Variants in ZBTB20 observed in about 807,000 individuals in gnomAD.
ZBTB20 encodes the protein zinc finger and BTB domain-containing protein 20.
Under a neutral mutation model 56.9 loss-of-function variants are expected in ZBTB20, and 9 were observed. The ratio of observed to expected loss-of-function variants is 0.16; its 90% confidence interval spans 0.10 to 0.28. The LOEUF (loss-of-function observed/expected upper bound fraction) is 0.28, where lower values mean the gene tolerates loss of function less well. Among genes scored for constraint, ZBTB20 ranks in the 10% least tolerant of loss-of-function variants. The pLI is 1.00. For synonymous variants in ZBTB20, 417 were observed against 420.7 expected (o/e 0.99, Z 0.11); for missense variants, 655 against 1,003.0 (o/e 0.65, Z 4.69).
At chr3:115,118,507 C>G (rs1460257291) in intron 1 of ZBTB20, among the ~76,000 whole-genome samples, 1 of 151,960 alleles carries the variant, frequency 6.6e-6, no homozygotes, top group Admixed American at 6.6e-5. Context: ...CTAGGTCAAC[C>G]AGCGCACTTA....
chr3:114,700,217 C>G (rs1399266038), intron 5 of ZBTB20, among the ~76,000 whole-genome samples: 1 of 152,044 alleles, frequency 6.6e-6, no homozygotes, highest in Non-Finnish European at 1.5e-5. Flanking sequence ...TCTTCCTTCT[C>G]TCTCTCTTTT....
At chr3:114,737,797 T>C (rs2066287264) in intron 5 of ZBTB20, among the ~76,000 whole-genome samples, 1 of 152,152 alleles carries the variant, frequency 6.6e-6, no homozygotes, top group Non-Finnish European at 1.5e-5. Flanking sequence ...CATCTTCCCT[T>C]TTTGAGGTGA....
At chr3:114,600,311 A>G (rs2056662592) in intron 6 of ZBTB20, among the ~76,000 whole-genome samples, 2 of 152,148 alleles carry the variant, frequency 1.3e-5, no homozygotes, top group Non-Finnish European at 2.9e-5. Flanking sequence ...CTACAGATTT[A>G]CTGGGAGCAC....
chr3:114,791,058 A>G (rs1201838817), intron 5 of ZBTB20, among the ~76,000 whole-genome samples: 3 of 152,120 alleles, frequency 2.0e-5, no homozygotes, highest in Admixed American at 2.0e-4. Flanking sequence ...TTTATAAACT[A>G]GCCTTATTCC....
At position 114,333,172 on chromosome 3, in the gene ZBTB20, T is replaced by C. The variant is rs1242450528; in HGVS notation, c.*5833A>G. 2 of 152,246 alleles carry C rather than the reference T, an allele frequency of 1.3e-5. No individual in the cohort carries two copies. Among genetic ancestry groups the C allele is most frequent in the Non-Finnish European group, 2.9e-5 (2 of 68,036 alleles). The allele number at this position is 152,246 out of a possible 1,614,324, so 9.4% of individuals were successfully genotyped here. A position where few individuals can be genotyped will look rare whatever the true frequency, so the allele number is the denominator to read the frequency against. On this transcript the variant is annotated 3_prime_UTR_variant, in exon 12 of 12. Coordinates refer to ENST00000675478, the MANE Select transcript of ZBTB20 (RefSeq NM_001348800.3). ...TGCTAGAAATGATGCTTTGGATTAGTAGTTTCCACATTCTGAATTTATAGG... is the reference window on the plus strand; with the variant it reads ...TGCTAGAAATGATGCTTTGGATTAGCAGTTTCCACATTCTGAATTTATAGG...
chr3:114,431,834 T>C (rs1259853586), intron 7 of ZBTB20, among the ~76,000 whole-genome samples: 1 of 152,182 alleles, frequency 6.6e-6, no homozygotes, highest in Non-Finnish European at 1.5e-5. Context: ...TGCTGGGATT[T>C]CAAAGATTCA....
chr3:115,034,335 C>T (rs528969271), intron 2 of ZBTB20, among the ~76,000 whole-genome samples: 4 of 151,434 alleles, frequency 2.6e-5, no homozygotes, highest in Middle Eastern at 3.4e-3. Context: ...AAAACATATT[C>T]CACAATTTCC....
intron 6 of ZBTB20, among the ~76,000 whole-genome samples, chr3:114,547,071 C>T (rs1411055100): frequency 2.0e-5 from 3 of 152,172 alleles, no homozygotes; most frequent in Non-Finnish European, 4.4e-5. Flanking sequence ...TAAGCCAAAG[C>T]TCTTGTTCAT....
chr3:114,963,053 T>TC (rs1242372319), intron 3 of ZBTB20, among the ~76,000 whole-genome samples: 1 of 152,024 alleles, frequency 6.6e-6, no homozygotes, highest in African/African-American at 2.4e-5. Flanking sequence ...CTTTTTTTTT[T>TC]CAATTTAGAC....
chr3:114,394,048 T>C (rs368290398), intron 7 of ZBTB20, among the ~76,000 whole-genome samples: 24 of 152,162 alleles, frequency 1.6e-4, no homozygotes, highest in African/African-American at 5.3e-4. Context: ...TCTAAAATTA[T>C]AGATGGGGGG....
intron 1 of ZBTB20, among the ~76,000 whole-genome samples, chr3:115,086,512 C>A (rs1379128267): frequency 1.3e-5 from 2 of 151,686 alleles, no homozygotes; most frequent in Non-Finnish European, 2.9e-5. Context: ...ATAAAAAAAA[C>A]AACAGCCTTG....
intron 7 of ZBTB20, among the ~76,000 whole-genome samples, chr3:114,477,929 G>GTCTC (rs66520481): frequency 8.2e-6 from 1 of 121,712 alleles, no homozygotes; most frequent in African/African-American, 3.3e-5. Flanking sequence ...TTCTTTCTCT[G>GTCTC]TCTCTCTCTC....
intron 7 of ZBTB20, among the ~76,000 whole-genome samples, chr3:114,463,699 T>C (rs2092423667): frequency 6.6e-6 from 1 of 152,240 alleles, no homozygotes; most frequent in South Asian, 2.1e-4. Flanking sequence ...GAAGGAAATC[T>C]GTAACAAAGC....
chr3:114,812,830 G>C (rs2072643680), intron 4 of ZBTB20, among the ~76,000 whole-genome samples: 1 of 152,220 alleles, frequency 6.6e-6, no homozygotes, highest in African/African-American at 2.4e-5. Context: ...TGCAGGTCCC[G>C]AGCCCTGCCC....
intron 10 of ZBTB20, among the ~76,000 whole-genome samples, chr3:114,353,524 G>T (rs902996842): frequency 1.3e-5 from 2 of 152,190 alleles, no homozygotes; most frequent in Non-Finnish European, 2.9e-5. Context: ...TTAGGCTACA[G>T]ATTCCATCGT....
chr3:115,111,793 A>T (rs1160475853), intron 1 of ZBTB20, among the ~76,000 whole-genome samples: 1 of 152,202 alleles, frequency 6.6e-6, no homozygotes, highest in Non-Finnish European at 1.5e-5. Flanking sequence ...AAATATTTAT[A>T]GCTCATAAGG....
At chr3:115,068,004 T>C (rs1307376059) in intron 2 of ZBTB20, among the ~76,000 whole-genome samples, 4 of 152,082 alleles carry the variant, frequency 2.6e-5, no homozygotes, top group African/African-American at 9.7e-5. Context: ...ACTTCAAACA[T>C]ATCCAAACTG....
intron 4 of ZBTB20, among the ~76,000 whole-genome samples, chr3:114,805,623 T>G (rs1407415131): frequency 1.3e-5 from 2 of 151,318 alleles, no homozygotes; most frequent in African/African-American, 4.8e-5. Context: ...GAGATATAAC[T>G]TATATAACAT....
At chr3:114,695,616 GT>G (rs890300212) in intron 5 of ZBTB20, among the ~76,000 whole-genome samples, 123 of 146,600 alleles carry the variant, frequency 8.4e-4, no homozygotes, top group East Asian at 1.8e-3. Context: ...TGTGTTCTAA[GT>G]TTTTTTTTTT....
Sources: gnomAD v4.1 joint callset for allele counts (sites outside exome capture counted in the v4.1 genomes callset) on GRCh38, gnomAD v4.1.1 for gene constraint, MANE v1.5 for transcripts, NCBI Gene and HGNC (gene_info 2026-07-23, HGNC 2026-07-21) for gene names.